POLD3: variants seen among roughly 807,000 people sequenced by gnomAD.
POLD3 encodes the protein DNA polymerase delta 3, accessory subunit.
Under a neutral mutation model 58.2 loss-of-function variants are expected in POLD3, and 19 were observed. The observed-to-expected ratio is 0.33, with a 90% confidence interval of 0.23 to 0.48. POLD3 has a LOEUF of 0.48. Ranked by LOEUF, POLD3 falls within the 20% of genes least tolerant of loss-of-function variation. The probability of loss-of-function intolerance (pLI) is 0.99; values close to 1 mark genes in which losing one functional copy is unlikely to be tolerated. For missense variants in POLD3, 504 were observed against 545.5 expected (o/e 0.92, Z 0.76); for synonymous variants, 172 against 193.5 (o/e 0.89, Z 0.92).
intron 9 of POLD3, 98 bp from the exon 10 acceptor site, chr11:74,634,485 C>A: frequency 1.4e-6 from 1 of 691,778 alleles, no homozygotes; most frequent in South Asian, 1.6e-5. Flanking sequence ...TTGCTAAATC[C>A]CCTTTGCTGG....
chr11:74,607,112 GA>G (rs2031704826), intron 3 of POLD3, among the ~76,000 whole-genome samples: 2 of 151,842 alleles, frequency 1.3e-5, no homozygotes, highest in Non-Finnish European at 2.9e-5. Flanking sequence ...AGGAAAGGCA[GA>G]TTATTAAGCA....
chr11:74,604,903 T>C, intron 3 of POLD3, 109 bp downstream of exon 3: 1 of 635,654 alleles, frequency 1.6e-6, no homozygotes, highest in Non-Finnish European at 2.8e-6. Context: ...TATAGTAGTT[T>C]TAAAGAGCTA....
intron 2 of POLD3, among the ~76,000 whole-genome samples, chr11:74,598,595 TGGAACCTGGTCATCTCTA>T (rs993810539): frequency 3.3e-5 from 5 of 152,240 alleles, no homozygotes; most frequent in African/African-American, 1.2e-4. Context: ...TCTCAATAAC[TGGAACCTGGTCATCTCTA>T]GGCATCTTTA....
chr11:74,663,086 G>A (rs2033225190), intron 4 of POLD3, among the ~76,000 whole-genome samples: 1 of 152,224 alleles, frequency 6.6e-6, no homozygotes, highest in East Asian at 1.9e-4. Context: ...CAGGTACTGT[G>A]ATTGCTTACC....
chr11:74,641,575 G>C lies in POLD3; in HGVS notation c.*809G>C. The C allele has an allele frequency of 9.1e-6, 9 of 985,376 alleles. No individual in the cohort carries two copies. The highest frequency in any genetic ancestry group is 1.1e-5 in the Non-Finnish European group (9 of 829,948). The allele number at this position is 985,376 out of a possible 1,614,324, so 61.0% of individuals were successfully genotyped here. A position where few individuals can be genotyped will look rare whatever the true frequency, so the allele number is the denominator to read the frequency against. On this transcript the variant is annotated 3_prime_UTR_variant, in exon 12 of 12. Coordinates refer to ENST00000263681, the MANE Select transcript of POLD3 (RefSeq NM_006591.3). The stretch of plus-strand genomic sequence containing the variant: ...GGGTGTGCTTTATGCTGCTCTTTGC[G>C]GTTTGTTGATCCCCTCCTCCCCCAC...
rs763924924 is a variant in POLD3 at position 74,640,740 on chromosome 11, A to G, written c.1375A>G (p.Ile459Val). Reference sequence around the variant, plus strand: ...GGGCAAAGCCAACAGACAGGTGTCCATTACTGGCTTCTTCCAGAGGAAATA... The same window carrying G: ...GGGCAAAGCCAACAGACAGGTGTCCGTTACTGGCTTCTTCCAGAGGAAATA... ...ALGKANRQVS[I>V]TGFFQRK is the part of the protein sequence containing the mutation. Residue 459 changes from isoleucine (I) to valine (V), a missense_variant, in exon 12 of 12, where the codon ATT becomes GTT. Transcript: ENST00000263681. 1 of 1,600,290 alleles carries G rather than the reference A, an allele frequency of 6.2e-7. No homozygotes were observed. The highest frequency in any genetic ancestry group is 1.1e-5 in the South Asian group (1 of 88,392).
chr11:74,629,061 G>C lies in POLD3; in HGVS notation c.900-156G>C. 5.7e-6 allele frequency: 3 copies of C among 524,340 alleles called. No homozygotes were observed. In the East Asian group the frequency reaches 9.8e-5, roughly 17 times the overall value. 32.5% of individuals were successfully genotyped at this position (524,340 alleles called of 1,614,324 possible). A position where few individuals can be genotyped will look rare whatever the true frequency, so the allele number is the denominator to read the frequency against. On this transcript the variant is annotated intron_variant, in intron 8 of 11. Transcript: ENST00000263681. ...GACTTAGTTGTGGTCAGTTAGCAGA[G>C]TATCCTTAACAAGAGTCCTTCTTGG...
intron 5 of POLD3, among the ~76,000 whole-genome samples, chr11:74,614,758 G>GA (rs2032030867): frequency 6.6e-6 from 1 of 151,966 alleles, no homozygotes; most frequent in Non-Finnish European, 1.5e-5. Flanking sequence ...CAAGGTGTGT[G>GA]GGGGTAGGGG....
intron 4 of POLD3, among the ~76,000 whole-genome samples, chr11:74,660,383 A>T (rs2033190705): frequency 2.0e-5 from 3 of 152,116 alleles, no homozygotes; most frequent in Non-Finnish European, 1.5e-5. Flanking sequence ...GTTTGAATAA[A>T]CTTTCTACTA....
chr11:74,626,889 C>A (rs567678361), intron 8 of POLD3, among the ~76,000 whole-genome samples: 1 of 152,072 alleles, frequency 6.6e-6, no homozygotes, highest in African/African-American at 2.4e-5. Flanking sequence ...ACATTCCTCA[C>A]GTGTTTGTGA....
chr11:74,668,118 C>A (rs1245109415), intron 4 of POLD3, among the ~76,000 whole-genome samples: 1 of 152,120 alleles, frequency 6.6e-6, no homozygotes, highest in East Asian at 1.9e-4. Context: ...AACCTTCATC[C>A]ACAGCTGGTG....
At position 74,613,016 on chromosome 11, in the gene POLD3, C is replaced by T. The variant is rs745750118; in HGVS notation, c.392+6C>T. 5.0e-6 allele frequency: 8 copies of T among 1,606,752 alleles called. No individual in the cohort carries two copies. The highest frequency in any genetic ancestry group is 2.2e-5 in the East Asian group (1 of 44,810). On this transcript the variant is annotated splice_donor_region_variant and intron_variant, in intron 5 of 11. Transcript: ENST00000263681. Reference sequence around the variant, plus strand: ...AACTTGCAGAACTGCAGCAAGTAAGCGTCTTAATGTTCCTTGTGGGCTTCT... The same window carrying T: ...AACTTGCAGAACTGCAGCAAGTAAGTGTCTTAATGTTCCTTGTGGGCTTCT...
chr11:74,611,071 G>A (rs780386469), intron 3 of POLD3, among the ~76,000 whole-genome samples: 3 of 152,010 alleles, frequency 2.0e-5, no homozygotes, highest in Non-Finnish European at 4.4e-5. Context: ...CACCACACCC[G>A]GCCTTATTTT....
chr11:74,641,407 C>T lies in POLD3; in HGVS notation c.*641C>T. ...GTTCTGTTCCTTTCACAAAAGCTCT[C>T]TGGGACCTTCACTTGCAATTAGTGG... On this transcript the variant is annotated 3_prime_UTR_variant, in exon 12 of 12. Transcript: ENST00000263681. 1.0e-6 allele frequency: 1 copy of T among 985,438 alleles called. No homozygotes were observed. The highest frequency in any genetic ancestry group is 1.2e-6 in the Non-Finnish European group (1 of 829,954). The allele number at this position is 985,438 out of a possible 1,614,324, so 61.0% of individuals were successfully genotyped here.
intron 7 of POLD3, among the ~76,000 whole-genome samples, chr11:74,624,000 A>C (rs2032349111): frequency 6.6e-6 from 1 of 152,246 alleles, no homozygotes; most frequent in African/African-American, 2.4e-5. Flanking sequence ...AGTTTTCTGT[A>C]ATTGGTAAAC....
chr11:74,649,839 C>G (rs1168285036), intron 4 of POLD3, among the ~76,000 whole-genome samples: 1 of 152,022 alleles, frequency 6.6e-6, no homozygotes, highest in Non-Finnish European at 1.5e-5. Context: ...GAAACCCCAT[C>G]TTTATTTATT....
chr11:74,602,211 T>G (rs1016983016), intron 2 of POLD3, among the ~76,000 whole-genome samples: 1 of 152,134 alleles, frequency 6.6e-6, no homozygotes, highest in African/African-American at 2.4e-5. Context: ...CCCTGAGAGC[T>G]GGGATTACAG....
At position 74,618,641 on chromosome 11, in the gene POLD3, C is replaced by T; in HGVS notation, c.497C>T (p.Thr166Ile). Residue 166 changes from threonine to isoleucine, a missense_variant, in exon 6 of 12, where the codon ACA (threonine) becomes ATA (isoleucine). Thr to Ile is a moderately conservative substitution (Grantham distance 89). This residue lies in a region of POLD3 where 385 missense variants were observed against 370.5 expected (regional missense o/e 1.04). Coordinates refer to ENST00000263681, the MANE Select transcript of POLD3 (RefSeq NM_006591.3). Reference sequence around the variant, plus strand: ...TCACATCTTCACATGTCAAGTGAGACACAAGCCAACAATGAGCTGACCACC... The same window carrying T: ...TCACATCTTCACATGTCAAGTGAGATACAAGCCAACAATGAGCTGACCACC... Reference protein sequence around the residue: ...EQSHLHMSSETQANNELTTNG... With the variant: ...EQSHLHMSSEIQANNELTTNG... The T allele has an allele frequency of 6.2e-7, 1 of 1,614,130 alleles. No individual in the cohort carries two copies. The highest frequency in any genetic ancestry group is 8.5e-7 in the Non-Finnish European group (1 of 1,180,018).
At chr11:74,628,780 C>T (rs1469114820) in intron 8 of POLD3, 2 of 152,632 alleles carry the variant, frequency 1.3e-5, no homozygotes, top group East Asian at 1.9e-4. Context: ...GTTAAATCTA[C>T]CACATTGCCT....
Sources: gnomAD v4.1 joint callset for allele counts (sites outside exome capture counted in the v4.1 genomes callset) on GRCh38, gnomAD v4.1.1 for gene constraint, gnomAD v4.1.1 regional missense constraint, MANE v1.5 for transcripts, NCBI Gene and HGNC (gene_info 2026-07-23, HGNC 2026-07-21) for gene names.